Variants in LRP2 observed in about 807,000 individuals in gnomAD.
The protein encoded by LRP2 is low-density lipoprotein receptor-related protein 2.
In LRP2, 172 loss-of-function variants were observed where a neutral mutation model predicts 531.0. That is an observed-to-expected ratio of 0.32 (90% CI 0.29 to 0.37). LRP2 has a LOEUF of 0.37. LRP2 is among the 10% of genes least tolerant of loss of function. The pLI, the probability that LRP2 is intolerant of heterozygous loss-of-function variation, is 1.00. For missense variants in LRP2, 5,167 were observed against 5,868.3 expected, an observed-to-expected ratio of 0.88 and a Z score of 3.90; for synonymous variants, 1,992 against 2,027.6, an observed-to-expected ratio of 0.98 and a Z score of 0.47.
intron 19 of LRP2, among the ~76,000 whole-genome samples, chr2:169,248,459 G>A (rs550986825): frequency 2.2e-4 from 33 of 152,244 alleles, no homozygotes; most frequent in Non-Finnish European, 4.0e-4. Context: ...ACTAACAAAG[G>A]CATCCTCATA....
chr2:169,287,649 TAATAATAATAATAA>T (rs1683892993), intron 9 of LRP2, among the ~76,000 whole-genome samples: 1 of 150,948 alleles, frequency 6.6e-6, no homozygotes, highest in South Asian at 2.1e-4. Flanking sequence ...TGAAGAATAA[TAATAATAATAATAA>T]TAAAGAAAAA....
At chr2:169,198,435 TG>T (rs1462887770) in intron 45 of LRP2, among the ~76,000 whole-genome samples, 1 of 152,146 alleles carries the variant, frequency 6.6e-6, no homozygotes, top group East Asian at 1.9e-4. Context: ...TTTCAGTTAC[TG>T]ATGGCCACTA....
rs1304743517 is a variant in LRP2, at chr2:169,243,530, C to T, written c.3431-8G>A. Reference sequence around the variant, plus strand: ...GGCATGTCTCTGTCGAATCTAATGTCATCCGAAAACAAAACCAACAAGTTT... The same window carrying T: ...GGCATGTCTCTGTCGAATCTAATGTTATCCGAAAACAAAACCAACAAGTTT... On this transcript the variant is annotated splice_polypyrimidine_tract_variant and splice_region_variant and intron_variant, in intron 22 of 78. Coordinates refer to ENST00000649046, the MANE Select transcript of LRP2 (RefSeq NM_004525.3). The T allele has an allele frequency of 1.9e-6, 3 of 1,613,838 alleles. No individual in the cohort carries two copies. Among genetic ancestry groups the T allele is most frequent in the African/African-American group, 1.3e-5 (1 of 74,904 alleles).
At chr2:169,221,635 G>A (rs1689003226) in intron 33 of LRP2, among the ~76,000 whole-genome samples, 2 of 152,180 alleles carry the variant, frequency 1.3e-5, no homozygotes, top group African/African-American at 4.8e-5. Context: ...GATTATTTGT[G>A]TTTCTCTGTC....
chr2:169,332,825 C>A (rs1421088349), intron 1 of LRP2, among the ~76,000 whole-genome samples: 1 of 152,170 alleles, frequency 6.6e-6, no homozygotes, highest in Non-Finnish European at 1.5e-5. Context: ...GATGACAACT[C>A]TTATCAGAAA....
rs780222722 is a variant in LRP2 at position 169,239,534 on chromosome 2, T to C, written c.4287A>G (p.Lys1429=). ...YMLESDGRTC[K]VTASESLLLL... is the part of the protein sequence containing the mutation. Reference sequence around the variant, plus strand: ...GGTTAGTTCAGCAATTACCTGTAACTTTGCAAGTCCTCCCATCACTTTCTA... The same window carrying C: ...GGTTAGTTCAGCAATTACCTGTAACCTTGCAAGTCCTCCCATCACTTTCTA... The change falls in exon 26 of 79, where the codon AAA becomes AAG. Residue 1429 remains lysine, a synonymous_variant. Transcript: ENST00000649046. 5.0e-6 allele frequency: 8 copies of C among 1,613,940 alleles called. No individual in the cohort carries two copies. Among genetic ancestry groups the C allele is most frequent in the African/African-American group, 1.3e-5 (1 of 74,928 alleles).
chr2:169,335,870 C>T (rs1233189094), intron 1 of LRP2, among the ~76,000 whole-genome samples: 2 of 151,980 alleles, frequency 1.3e-5, no homozygotes, highest in Non-Finnish European at 2.9e-5. Context: ...AAAAAATTAG[C>T]CAGGCATGGT....
rs532354846 is a variant in LRP2 at position 169,323,787 on chromosome 2, C to T, written c.80-2903G>A. Among the ~76,000 whole-genome samples, 42 of 151,450 alleles carry T rather than the reference C, an allele frequency of 2.8e-4. No homozygotes were observed. In the East Asian group the frequency reaches 3.1e-3, roughly 11 times the overall value. On this transcript the variant is annotated intron_variant, in intron 1 of 78. Coordinates refer to ENST00000649046, the MANE Select transcript of LRP2 (RefSeq NM_004525.3). ...CAGTTTTAGCCAAGAAGTAATCTTGCAAATAATCATTTATGTAACTTTAAA... is the reference window on the plus strand; with the variant it reads ...CAGTTTTAGCCAAGAAGTAATCTTGTAAATAATCATTTATGTAACTTTAAA...
intron 58 of LRP2, among the ~76,000 whole-genome samples, chr2:169,170,883 G>GTGATC (rs555140974): frequency 1.5e-4 from 22 of 148,450 alleles, no homozygotes; most frequent in Non-Finnish European, 3.0e-4. Context: ...TTGTCCAAAG[G>GTGATC]TGATCTGATC....
rs1412113808 is a variant in LRP2 at position 169,175,193 on chromosome 2, C to T, written c.10768G>A (p.Glu3590Lys). 1 of 1,614,014 alleles carries T rather than the reference C, an allele frequency of 6.2e-7. No homozygotes were observed. The highest frequency in any genetic ancestry group is 1.3e-5 in the African/African-American group (1 of 74,992). Residue 3590 changes from glutamate (E) to lysine (K), a missense_variant and splice_region_variant, in exon 55 of 79, where the codon GAG becomes AAG. This residue lies in a region of LRP2 where 311 missense variants were observed against 309.4 expected (regional missense o/e 1.01). Transcript: ENST00000649046. The part of the protein sequence containing the change: ...DGSDEDRLLC[E>K]NHHCDSNEWQ... ...AGAGGCATAAAGCGACTCAACACAC[C>T]ACAAAGAAGACGGTCTTCATCAGAC...
intron 3 of LRP2, among the ~76,000 whole-genome samples, chr2:169,310,069 AT>A (rs1370475606): frequency 6.6e-6 from 1 of 152,144 alleles, no homozygotes; most frequent in African/African-American, 2.4e-5. Context: ...TTGCACATTG[AT>A]TTTGTATCCT....
intron 3 of LRP2, among the ~76,000 whole-genome samples, chr2:169,314,232 T>TC (rs1684698194): frequency 7.3e-6 from 1 of 137,674 alleles, no homozygotes; most frequent in Non-Finnish European, 1.5e-5. Flanking sequence ...TCCTTATATC[T>TC]TAAAAGAAAA....
rs201537716 is a variant in LRP2, at chr2:169,257,823, A to AC, written c.2514-575_2514-574insG. Among the ~76,000 whole-genome samples the AC allele has an allele frequency of 6.6e-3, 749 of 114,060 alleles. 7 individuals carry two copies. The Middle Eastern group carries it at 0.071, about 11-fold the overall frequency. The allele number at this position is 114,060 out of a possible 152,430, so 74.8% of individuals were successfully genotyped here. A position where few individuals can be genotyped will look rare whatever the true frequency, so the allele number is the denominator to read the frequency against. ...AAGTCTAGAGGCAAAAAAAAACAAA[A>AC]ACAAAAAAAAAAAACACAAAAAAAA... On this transcript the variant is annotated intron_variant, in intron 17 of 78. Transcript: ENST00000649046.
intron 45 of LRP2, among the ~76,000 whole-genome samples, chr2:169,198,194 G>A (rs1688069156): frequency 1.3e-5 from 2 of 152,036 alleles, no homozygotes; most frequent in South Asian, 2.1e-4. Context: ...TGGGTGGATC[G>A]CTTGAGCCCA....
At chr2:169,308,811 A>G (rs1684502697) in intron 3 of LRP2, among the ~76,000 whole-genome samples, 1 of 152,182 alleles carries the variant, frequency 6.6e-6, no homozygotes. Flanking sequence ...GTCTTCCACA[A>G]TGGTTGAACT....
intron 16 of LRP2, among the ~76,000 whole-genome samples, chr2:169,265,330 G>C (rs545403004): frequency 6.6e-5 from 10 of 152,154 alleles, no homozygotes; most frequent in Non-Finnish European, 1.3e-4. Flanking sequence ...CTTCCTGCCT[G>C]AAGCTCACCA....
intron 46 of LRP2, among the ~76,000 whole-genome samples, chr2:169,195,080 G>A (rs1687961350): frequency 6.6e-6 from 1 of 152,108 alleles, no homozygotes; most frequent in Non-Finnish European, 1.5e-5. Context: ...TAGACCATAA[G>A]GATCTTTCCA....
At chr2:169,358,294 G>A (rs577189015) in intron 1 of LRP2, among the ~76,000 whole-genome samples, 16 of 152,120 alleles carry the variant, frequency 1.1e-4, no homozygotes, top group African/African-American at 3.9e-4. Context: ...CCTATTAACC[G>A]CCTTCCCTTT....
chr2:169,198,168 C>A (rs942915676), intron 45 of LRP2, among the ~76,000 whole-genome samples: 1 of 152,120 alleles, frequency 6.6e-6, no homozygotes, highest in African/African-American at 2.4e-5. Flanking sequence ...AATCCCAGCA[C>A]TTTGGGAGGC....
Sources: allele counts gnomAD v4.1 joint callset (sites outside exome capture counted in the v4.1 genomes callset), GRCh38; gene constraint gnomAD v4.1.1; regional missense constraint gnomAD v4.1.1; transcripts MANE v1.5; gene names NCBI Gene and HGNC (gene_info 2026-07-23, HGNC 2026-07-21).